SKAP1: variants seen among roughly 807,000 people sequenced by gnomAD.
SKAP1 encodes src kinase associated phosphoprotein 1, also known as src kinase-associated phosphoprotein 1.
In SKAP1, 44 loss-of-function variants were observed where a neutral mutation model predicts 58.5. That is an observed-to-expected ratio of 0.75 (90% confidence interval 0.59 to 0.97). The LOEUF (loss-of-function observed/expected upper bound fraction) is 0.97, where lower values mean the gene tolerates loss of function less well. Ranked by LOEUF, SKAP1 falls within the 50% of genes least tolerant of loss-of-function variation. The probability of loss-of-function intolerance (pLI) is 0.00; values close to 1 mark genes in which losing one functional copy is unlikely to be tolerated. For missense variants in SKAP1, 390 were observed against 435.2 expected (o/e 0.90, Z 0.92); for synonymous variants, 127 against 149.7 (o/e 0.85, Z 1.11).
intron 4 of SKAP1, among the ~76,000 whole-genome samples, chr17:48,254,382 T>A (rs1251837539): frequency 1.3e-5 from 2 of 152,188 alleles, no homozygotes; most frequent in Non-Finnish European, 2.9e-5. Context: ...ACATATTGAT[T>A]TAAATCTCTA....
chr17:48,168,856 T>C (rs1388264820), intron 10 of SKAP1, among the ~76,000 whole-genome samples: 2 of 152,234 alleles, frequency 1.3e-5, no homozygotes, highest in South Asian at 4.1e-4. Context: ...TTTGGATTTA[T>C]GTATTTTTCA....
chr17:48,234,177 G>A (rs542308522), intron 4 of SKAP1, among the ~76,000 whole-genome samples: 1 of 152,308 alleles, frequency 6.6e-6, no homozygotes, highest in Admixed American at 6.5e-5. Flanking sequence ...AAGGCACTGG[G>A]TGCCATGCTG....
At chr17:48,245,898 C>T (rs917143550) in intron 4 of SKAP1, among the ~76,000 whole-genome samples, 1 of 152,086 alleles carries the variant, frequency 6.6e-6, no homozygotes, top group Admixed American at 6.6e-5. Flanking sequence ...TCGCTTGAAC[C>T]CAGAAGGCAG....
intron 4 of SKAP1, among the ~76,000 whole-genome samples, chr17:48,320,978 G>T (rs1339455145): frequency 2.0e-5 from 3 of 152,130 alleles, no homozygotes; most frequent in Non-Finnish European, 4.4e-5. Context: ...CCAAGCCAAT[G>T]ACAGGCATCC....
intron 1 of SKAP1, among the ~76,000 whole-genome samples, chr17:48,426,708 A>G (rs1431714611): frequency 1.3e-5 from 2 of 152,198 alleles, no homozygotes; most frequent in Non-Finnish European, 2.9e-5. Context: ...TTACTTATCT[A>G]TGAGGTATTT....
intron 4 of SKAP1, among the ~76,000 whole-genome samples, chr17:48,242,174 TTC>T (rs1555607423): frequency 6.6e-6 from 1 of 152,238 alleles, no homozygotes; most frequent in Non-Finnish European, 1.5e-5. Flanking sequence ...GGCATCTGGC[TTC>T]CAGCAGGGAA....
Position 48,189,442 on chromosome 17 carries a change from G to T in SKAP1, c.339C>A (p.Tyr113Ter). The T allele has an allele frequency of 6.2e-7, 1 of 1,613,206 alleles. No individual in the cohort carries two copies. Residue 113 changes from tyrosine (Y) to a stop codon, truncating the protein, a stop_gained, in exon 5 of 13, where the codon TAC becomes TAA. Coordinates refer to ENST00000336915, the MANE Select transcript of SKAP1 (RefSeq NM_003726.4). LOFTEE classifies it high-confidence loss of function. ...CAATACCTTTGCTTTTCTTCTCCAAGTATCCTTGCTTGATTACGTTATCAA... is the reference window on the plus strand; with the variant it reads ...CAATACCTTTGCTTTTCTTCTCCAATTATCCTTGCTTGATTACGTTATCAA... Reference protein sequence around the residue: ...QELDNVIKQGYLEKKSKDHSF... With the variant: ...QELDNVIKQG
At chr17:48,239,850 C>G (rs55896996) in intron 4 of SKAP1, among the ~76,000 whole-genome samples, 277 of 129,802 alleles carry the variant, frequency 2.1e-3, no homozygotes, top group African/African-American at 5.8e-3. Flanking sequence ...GAGAGAGAGA[C>G]AGAGAGAGAG....
At chr17:48,198,774 C>T (rs1258482863) in intron 4 of SKAP1, among the ~76,000 whole-genome samples, 1 of 152,156 alleles carries the variant, frequency 6.6e-6, no homozygotes, top group African/African-American at 2.4e-5. Context: ...CCAACATCCT[C>T]AGCTTCATTT....
At chr17:48,394,491 A>ACCTGCT (rs2067391088) in intron 2 of SKAP1, among the ~76,000 whole-genome samples, 1 of 151,730 alleles carries the variant, frequency 6.6e-6, no homozygotes, top group Non-Finnish European at 1.5e-5. Context: ...ACAGGCATAT[A>ACCTGCT]CCACCACACC....
At chr17:48,433,892 T>G (rs1488017503), upstream of SKAP1, among the ~76,000 whole-genome samples, 1 of 152,224 alleles carries the variant, frequency 6.6e-6, no homozygotes, top group Non-Finnish European at 1.5e-5. Flanking sequence ...ATCTATGGGA[T>G]GTCCAGAGGG....
chr17:48,184,144 T>C (rs1195282143), intron 7 of SKAP1, among the ~76,000 whole-genome samples: 1 of 152,206 alleles, frequency 6.6e-6, no homozygotes, highest in African/African-American at 2.4e-5. Flanking sequence ...AGATTCAAAC[T>C]GAGCACAGTA....
upstream of SKAP1, among the ~76,000 whole-genome samples, chr17:48,433,163 A>G (rs1436368916): frequency 1.3e-5 from 2 of 152,238 alleles, no homozygotes; most frequent in Non-Finnish European, 2.9e-5. Flanking sequence ...ATTCTGTTAA[A>G]TGGACAAATT....
At chr17:48,362,016 G>A (rs2066944797) in intron 3 of SKAP1, among the ~76,000 whole-genome samples, 1 of 152,160 alleles carries the variant, frequency 6.6e-6, no homozygotes, top group Admixed American at 6.5e-5. Context: ...GAGACTGGGG[G>A]CTAGGGCATG....
At chr17:48,358,888 G>T (rs780501466) in intron 3 of SKAP1, among the ~76,000 whole-genome samples, 2 of 152,092 alleles carry the variant, frequency 1.3e-5, no homozygotes, top group African/African-American at 2.4e-5. Context: ...GATGTAATTT[G>T]CCGTAGCTAA....
intron 11 of SKAP1, among the ~76,000 whole-genome samples, chr17:48,150,930 G>A (rs982073275): frequency 1.3e-5 from 2 of 152,030 alleles, no homozygotes; most frequent in Admixed American, 6.6e-5. Flanking sequence ...TGTGAACCTC[G>A]CAAGCCTTTC....
chr17:48,444,746 A>G, the SKAP1 span, among the ~76,000 whole-genome samples: 1 of 152,136 alleles, frequency 6.6e-6, no homozygotes, highest in Non-Finnish European at 1.5e-5. Flanking sequence ...AAGGCTCCTG[A>G]GCAGGTTAGC....
intron 4 of SKAP1, among the ~76,000 whole-genome samples, chr17:48,337,951 T>G (rs1252290956): frequency 6.6e-6 from 1 of 152,160 alleles, no homozygotes; most frequent in African/African-American, 2.4e-5. Flanking sequence ...TTCTATCACT[T>G]GCTAGTTGTA....
At chr17:48,328,298 T>C (rs1056740861) in intron 4 of SKAP1, among the ~76,000 whole-genome samples, 1 of 152,254 alleles carries the variant, frequency 6.6e-6, no homozygotes, top group Non-Finnish European at 1.5e-5. Flanking sequence ...ATCAGGGGCT[T>C]AAATACTTTT....
Sources: allele counts gnomAD v4.1 joint callset (sites outside exome capture counted in the v4.1 genomes callset), GRCh38; gene constraint gnomAD v4.1.1; transcripts MANE v1.5; gene names NCBI Gene and HGNC (gene_info 2026-07-23, HGNC 2026-07-21).